MUSK: variants seen among roughly 807,000 people sequenced by gnomAD.
The protein encoded by MUSK is muscle associated receptor tyrosine kinase, also known as muscle, skeletal receptor tyrosine-protein kinase.
A neutral mutation model predicts 88.7 loss-of-function variants in MUSK; 55 were observed. That is an observed-to-expected ratio of 0.62 (90% CI 0.50 to 0.78). MUSK has a LOEUF of 0.78. Ranked by LOEUF, MUSK falls within the 30% of genes least tolerant of loss-of-function variation. The pLI, the probability that MUSK is intolerant of heterozygous loss-of-function variation, is 0.00. For missense variants in MUSK, 1,015 were observed against 1,074.3 expected (o/e 0.94, Z 0.77); for synonymous variants, 387 against 391.9 (o/e 0.99, Z 0.15).
intron 8 of MUSK, among the ~76,000 whole-genome samples, chr9:110,766,645 T>A (rs187789434): frequency 1.3e-5 from 2 of 152,348 alleles, no homozygotes; most frequent in African/African-American, 4.8e-5. Flanking sequence ...ATTAATTTTT[T>A]AAATTCAATT....
At chr9:110,777,834 G>A (rs1182081431) in intron 11 of MUSK, among the ~76,000 whole-genome samples, 2 of 152,034 alleles carry the variant, frequency 1.3e-5, no homozygotes, top group African/African-American at 4.8e-5. Flanking sequence ...AAATTTTCTA[G>A]TCTTTAAAAA....
At chr9:110,681,061 A>ATATTAATATTATATATAT in intron 1 of MUSK, among the ~76,000 whole-genome samples, 1 of 24,166 alleles carries the variant, frequency 4.1e-5, no homozygotes, top group East Asian at 6.1e-4. Flanking sequence ...TATATATTAT[A>ATATTAATATTATATATAT]TATATAATAT....
chr9:110,685,155 G>T (rs1182171333), intron 2 of MUSK, among the ~76,000 whole-genome samples: 1 of 151,900 alleles, frequency 6.6e-6, no homozygotes, highest in African/African-American at 2.4e-5. Flanking sequence ...TTTTTTGAGG[G>T]TTTTTATCAC....
At chr9:110,765,468 C>T (rs1369411992) in intron 8 of MUSK, among the ~76,000 whole-genome samples, 1 of 152,120 alleles carries the variant, frequency 6.6e-6, no homozygotes, top group Non-Finnish European at 1.5e-5. Context: ...ATGGCTGACA[C>T]CTATATAACA....
At chr9:110,683,443 G>T (rs1000187486) in intron 2 of MUSK, among the ~76,000 whole-genome samples, 3 of 152,172 alleles carry the variant, frequency 2.0e-5, no homozygotes, top group East Asian at 3.9e-4. Flanking sequence ...ACAAACATAG[G>T]AGTATAGATA....
intron 5 of MUSK, among the ~76,000 whole-genome samples, chr9:110,712,935 G>T (rs1159315743): frequency 6.6e-6 from 1 of 152,152 alleles, no homozygotes; most frequent in Non-Finnish European, 1.5e-5. Flanking sequence ...TTTGTGTAGG[G>T]TTATATACAC....
chr9:110,718,982 C>T (rs1301684506), intron 5 of MUSK, among the ~76,000 whole-genome samples: 2 of 152,048 alleles, frequency 1.3e-5, no homozygotes, highest in Non-Finnish European at 2.9e-5. Flanking sequence ...TCCAGTAAAA[C>T]TAAGCTTCAT....
intron 14 of MUSK, among the ~76,000 whole-genome samples, chr9:110,798,215 T>C (rs1016312638): frequency 3.3e-5 from 5 of 152,180 alleles, no homozygotes; most frequent in African/African-American, 7.2e-5. Flanking sequence ...ATTGGGAAAA[T>C]CCATAAAATT....
At chr9:110,697,904 G>A (rs1471160227) in intron 5 of MUSK, among the ~76,000 whole-genome samples, 1 of 135,574 alleles carries the variant, frequency 7.4e-6, no homozygotes, top group Non-Finnish European at 1.7e-5. Flanking sequence ...CTATCACAAA[G>A]CTTGAAAAAA....
chr9:110,790,887 T>G (rs909752116), intron 14 of MUSK, among the ~76,000 whole-genome samples: 1 of 152,196 alleles, frequency 6.6e-6, no homozygotes, highest in Non-Finnish European at 1.5e-5. Flanking sequence ...CAGCTGGGCA[T>G]AGACTCGTTA....
chr9:110,774,849 C>G (rs1051680193), intron 9 of MUSK, among the ~76,000 whole-genome samples: 3 of 139,818 alleles, frequency 2.1e-5, no homozygotes, highest in African/African-American at 8.1e-5. Flanking sequence ...AAAAAAGACA[C>G]CATTGTGGCA....
chr9:110,678,560 T>C (rs2076060696), intron 1 of MUSK, among the ~76,000 whole-genome samples: 1 of 152,160 alleles, frequency 6.6e-6, no homozygotes, highest in Non-Finnish European at 1.5e-5. Context: ...TAATCTAATC[T>C]TTTTCTTCTG....
intron 7 of MUSK, among the ~76,000 whole-genome samples, chr9:110,758,065 G>A (rs967549403): frequency 1.3e-5 from 2 of 152,064 alleles, no homozygotes; most frequent in African/African-American, 4.8e-5. Flanking sequence ...CTGAGCTCAA[G>A]AGATCCTCCT....
In MUSK at chr9:110,803,776, T is replaced by C. The variant is rs1373966004; in HGVS notation, c.*2788T>C. 6.6e-6 allele frequency among the ~76,000 whole-genome samples: 1 copy of C among 152,250 alleles called. No homozygotes were observed. Among genetic ancestry groups the C allele is most frequent in the Non-Finnish European group, 1.5e-5 (1 of 68,044 alleles). On this transcript the variant is annotated 3_prime_UTR_variant, in exon 15 of 15. Coordinates refer to ENST00000374448, the MANE Select transcript of MUSK (RefSeq NM_005592.4). The stretch of plus-strand genomic sequence containing the variant: ...TCCCTAAGTGCTCGATCTAATGTTC[T>C]GAATCACAGGAGTATAGATGCATTA...
chr9:110,772,306 C>A (rs1011609517), intron 9 of MUSK, among the ~76,000 whole-genome samples: 2 of 151,406 alleles, frequency 1.3e-5, no homozygotes, highest in Non-Finnish European at 3.0e-5. Flanking sequence ...AAATAATTCA[C>A]CTTTTTGAAA....
chr9:110,694,806 G>T (rs908288974), intron 3 of MUSK, among the ~76,000 whole-genome samples: 2 of 152,082 alleles, frequency 1.3e-5, no homozygotes, highest in African/African-American at 4.8e-5. Flanking sequence ...TCTTCTGAAA[G>T]ATTAAAAGTG....
intron 9 of MUSK, among the ~76,000 whole-genome samples, chr9:110,771,488 T>C (rs148754301): frequency 6.6e-6 from 1 of 152,268 alleles, no homozygotes; most frequent in East Asian, 1.9e-4. Context: ...AATCTCATAC[T>C]CATGAAATTG....
chr9:110,741,052 G>A (rs558493435), intron 6 of MUSK, among the ~76,000 whole-genome samples: 1 of 152,204 alleles, frequency 6.6e-6, no homozygotes, highest in Non-Finnish European at 1.5e-5. Context: ...AAGTACTGTA[G>A]ATGTAATGTA....
intron 5 of MUSK, among the ~76,000 whole-genome samples, chr9:110,716,077 G>C (rs540709833): frequency 6.7e-6 from 1 of 149,540 alleles, no homozygotes; most frequent in African/African-American, 2.5e-5. Context: ...CGTGGCACAC[G>C]TTTACCTATG....
Sources: gnomAD v4.1 joint callset for allele counts (sites outside exome capture counted in the v4.1 genomes callset) on GRCh38, gnomAD v4.1.1 for gene constraint, MANE v1.5 for transcripts, NCBI Gene and HGNC (gene_info 2026-07-23, HGNC 2026-07-21) for gene names.